Variants in DBI observed in about 807,000 individuals in gnomAD.
DBI encodes the protein diazepam binding inhibitor, acyl-CoA binding protein.
A neutral mutation model predicts 13.0 loss-of-function variants in DBI; 12 were observed. That is an observed-to-expected ratio of 0.92 (90% CI 0.59 to 1.49). DBI has a LOEUF of 1.49. Among genes scored for constraint, DBI ranks in the 40% most tolerant of loss-of-function variants. The pLI is 0.00. For synonymous variants in DBI, 37 were observed against 37.4 expected (o/e 0.99, Z 0.04); for missense variants, 95 against 104.8 (o/e 0.91, Z 0.41).
At position 119,372,426 on chromosome 2, in the gene DBI, C is replaced by A; in HGVS notation, c.*108C>A. ...GAATTCGGGAAAATAACCAGTTAAA[C>A]CAGCTACTCAAGGCTGCTCACCATA... On this transcript the variant is annotated 3_prime_UTR_variant, in exon 4 of 4. Transcript: ENST00000355857. The A allele has an allele frequency of 1.2e-6, 1 of 834,658 alleles. No homozygotes were observed. 51.7% of individuals were successfully genotyped at this position (834,658 alleles called of 1,614,324 possible).
chr2:119,367,705 C>T (rs1681145218), intron 1 of DBI: 4 of 1,611,302 alleles, frequency 2.5e-6, no homozygotes, highest in Non-Finnish European at 2.5e-6. Flanking sequence ...CCGGCGCTGA[C>T]ACCGCGGCAC....
At chr2:119,367,979 G>A (rs1681185625) in intron 1 of DBI, 6 of 1,613,534 alleles carry the variant, frequency 3.7e-6, no homozygotes, top group East Asian at 4.5e-5. Context: ...TGAACTGGAG[G>A]GGCTTCCCCT....
chr2:119,367,974 T>C (rs1003448370), intron 1 of DBI: 14 of 1,613,748 alleles, frequency 8.7e-6, no homozygotes, highest in Non-Finnish European at 1.2e-5. Flanking sequence ...ATGAGTGAAC[T>C]GGAGGGGCTT....
intron 1 of DBI, chr2:119,367,809 C>T: frequency 1.9e-6 from 3 of 1,612,210 alleles, no homozygotes; most frequent in South Asian, 1.1e-5. Context: ...CTCCCTAGTG[C>T]CTGGCCCGGT....
chr2:119,370,937 ATGGG>A, intron 3 of DBI, 135 bp downstream of exon 3: 2 of 741,270 alleles, frequency 2.7e-6, no homozygotes, highest in Admixed American at 3.1e-5. Context: ...CTGTGCCAGA[ATGGG>A]AAAAAACCGG....
At chr2:119,369,670 C>T (rs1425756133) in intron 2 of DBI, among the ~76,000 whole-genome samples, 1 of 152,088 alleles carries the variant, frequency 6.6e-6, no homozygotes, top group Non-Finnish European at 1.5e-5. Flanking sequence ...CCTGTAGTCC[C>T]AGCTACTTGG....
chr2:119,370,648 G>A (rs1428658270), intron 2 of DBI, 92 bp from the exon 3 acceptor site: 5 of 1,175,320 alleles, frequency 4.3e-6, no homozygotes, highest in East Asian at 2.4e-5. Flanking sequence ...AGGAACAGGT[G>A]TAATAGAAGA....
chr2:119,368,157 C>A, intron 1 of DBI, 31 bp from the exon 2 acceptor site: 1 of 1,565,346 alleles, frequency 6.4e-7, no homozygotes, highest in Admixed American at 1.7e-5. Flanking sequence ...CCAGAGGAGG[C>A]CCTCAATCCT....
chr2:119,372,225 A>G lies in DBI; in HGVS notation c.191-20A>G, dbSNP rs1362522641. 7 of 1,601,782 alleles carry G rather than the reference A, an allele frequency of 4.4e-6. No homozygotes were observed. The African/African-American group carries it at 8.0e-5, about 18-fold the overall frequency. ...TACCATGCTACCTCCCTGACACATA[A>G]TCCTGTCGATTCCTTACAGGGACTT... On this transcript the variant is annotated intron_variant, in intron 3 of 3. Coordinates refer to ENST00000355857, the MANE Select transcript of DBI (RefSeq NM_001079862.4).
intron 3 of DBI, 131 bp downstream of exon 3, chr2:119,370,933 C>T (rs1573727852): frequency 1.3e-6 from 1 of 761,934 alleles, no homozygotes; most frequent in East Asian, 3.0e-5. Flanking sequence ...TGACCTGTGC[C>T]AGAATGGGAA....
At chr2:119,370,206 A>AT (rs542019415) in intron 2 of DBI, 21 of 152,410 alleles carry the variant, frequency 1.4e-4, no homozygotes, top group African/African-American at 4.8e-4. Context: ...TAAAGTCATC[A>AT]TATAACTTAA....
At chr2:119,370,949 CG>C (rs1681474663) in intron 3 of DBI, 147 bp downstream of exon 3, 1 of 655,980 alleles carries the variant, frequency 1.5e-6, no homozygotes, top group South Asian at 2.1e-5. Flanking sequence ...GGGAAAAAAC[CG>C]GGCCACCTAC....
At position 119,367,078 on chromosome 2, in the gene DBI, C is replaced by T; in HGVS notation, c.9+18C>T. 7 of 1,613,798 alleles carry T rather than the reference C, an allele frequency of 4.3e-6. No homozygotes were observed. The highest frequency in any genetic ancestry group is 1.7e-4 in the Middle Eastern group (1 of 6,058). On this transcript the variant is annotated intron_variant, in intron 1 of 3. Coordinates refer to ENST00000355857, the MANE Select transcript of DBI (RefSeq NM_001079862.4). The stretch of plus-strand genomic sequence containing the variant: ...TGTCTCAGGTACAGCGCGTGCACAG[C>T]CAGGCTGCGAAGGTGCAGCGGGCGG...
Position 119,366,998 on chromosome 2 carries a change from T to C in DBI, c.-54T>C. The C allele has an allele frequency of 1.2e-6, 2 of 1,612,450 alleles. No homozygotes were observed. Among genetic ancestry groups the C allele is most frequent in the Non-Finnish European group, 1.7e-6 (2 of 1,178,822 alleles). Reference sequence around the variant, plus strand: ...TGCCAGTGCAATCTGGGCGATCGCTTCCTGGTCCTCGCCTCCTCCGCTGTC... The same window carrying C: ...TGCCAGTGCAATCTGGGCGATCGCTCCCTGGTCCTCGCCTCCTCCGCTGTC... On this transcript the variant is annotated 5_prime_UTR_variant, in exon 1 of 4. Coordinates refer to ENST00000355857, the MANE Select transcript of DBI (RefSeq NM_001079862.4).
At position 119,367,867 on chromosome 2, in the gene DBI, C is replaced by T. The variant is rs1289276809; in HGVS notation, c.10-321C>T. 7 of 1,614,098 alleles carry T rather than the reference C, an allele frequency of 4.3e-6. No homozygotes were observed. In the African/African-American group the frequency reaches 5.3e-5, roughly 12 times the overall value. On this transcript the variant is annotated intron_variant, in intron 1 of 3. Transcript: ENST00000355857. ...CTGCTTCTCCCGCAGAGGGGACCCC[C>T]ACTGGGGGCGAAGGCTTGGCCTGCC... is the stretch of plus-strand genomic sequence containing the variant.
Position 119,372,358 on chromosome 2 carries a change from A to G in DBI, c.*40A>G. ...TTACTGTGCCATGTGTTTATCCTAA[A>G]CTGAGACAATGCCTTGTTTTTTTCT... On this transcript the variant is annotated 3_prime_UTR_variant, in exon 4 of 4. Coordinates refer to ENST00000355857, the MANE Select transcript of DBI (RefSeq NM_001079862.4). The G allele has an allele frequency of 1.4e-6, 2 of 1,478,738 alleles. No homozygotes were observed. The highest frequency in any genetic ancestry group is 1.9e-6 in the Non-Finnish European group (2 of 1,057,308). The allele number at this position is 1,478,738 out of a possible 1,614,324, so 91.6% of individuals were successfully genotyped here.
At chr2:119,372,114 G>A (rs1681559051) in intron 3 of DBI, 131 bp from the exon 4 acceptor site, 1 of 677,772 alleles carries the variant, frequency 1.5e-6, no homozygotes, top group Admixed American at 2.2e-5. Context: ...CCTGTAATTA[G>A]TAGAATCTCA....
At chr2:119,368,391 C>G (rs1681246984) in intron 2 of DBI, 86 bp downstream of exon 2, 1 of 976,576 alleles carries the variant, frequency 1.0e-6, no homozygotes, top group Admixed American at 1.7e-5. Context: ...ACTTCACTCT[C>G]AAACTGCCTG....
chr2:119,370,874 G>C, intron 3 of DBI, 72 bp downstream of exon 3: 1 of 1,407,180 alleles, frequency 7.1e-7, no homozygotes, highest in Non-Finnish European at 9.9e-7. Flanking sequence ...GAAGTGTAAG[G>C]GAAGAGGAGA....
Sources: allele counts gnomAD v4.1 joint callset (sites outside exome capture counted in the v4.1 genomes callset), GRCh38; gene constraint gnomAD v4.1.1; transcripts MANE v1.5; gene names NCBI Gene and HGNC (gene_info 2026-07-23, HGNC 2026-07-21).